KIF1B: variants seen among roughly 807,000 people sequenced by gnomAD.
KIF1B encodes kinesin family member 1B, also known as kinesin-like protein KIF1B.
Under a neutral mutation model 241.9 loss-of-function variants are expected in KIF1B, and 76 were observed. That is an observed-to-expected ratio of 0.31 (90% CI 0.26 to 0.38). KIF1B has a LOEUF of 0.38. Ranked by LOEUF, KIF1B falls within the 10% of genes least tolerant of loss-of-function variation. KIF1B has a pLI of 1.00. For synonymous variants in KIF1B, 750 were observed against 796.7 expected (o/e 0.94, Z 0.99); for missense variants, 1,622 against 2,271.4 (o/e 0.71, Z 5.81).
intron 7 of KIF1B, among the ~76,000 whole-genome samples, chr1:10,269,670 A>T (rs2102209676): frequency 6.7e-6 from 1 of 150,004 alleles, no homozygotes; most frequent in East Asian, 2.0e-4. Context: ...AAATACAAAA[A>T]ATTAGCCGGT....
At chr1:10,345,313 G>T (rs1652549779) in intron 34 of KIF1B, among the ~76,000 whole-genome samples, 1 of 152,198 alleles carries the variant, frequency 6.6e-6, no homozygotes, top group South Asian at 2.1e-4. Flanking sequence ...CATGGAGGAA[G>T]AACTTTGTCT....
At chr1:10,349,410 G>A (rs979938145) in intron 37 of KIF1B, among the ~76,000 whole-genome samples, 2 of 151,350 alleles carry the variant, frequency 1.3e-5, no homozygotes, top group African/African-American at 4.9e-5. Context: ...ATTCAAGCCT[G>A]GACAACAGAG....
intron 27 of KIF1B, among the ~76,000 whole-genome samples, chr1:10,329,719 C>T (rs1479429738): frequency 2.7e-5 from 4 of 149,676 alleles, no homozygotes; most frequent in Admixed American, 2.0e-4. Flanking sequence ...GGCAACAGAG[C>T]AAAGACTCTG....
chr1:10,322,286 C>T (rs1396240775), intron 24 of KIF1B, among the ~76,000 whole-genome samples: 2 of 152,184 alleles, frequency 1.3e-5, no homozygotes, highest in East Asian at 3.9e-4. Flanking sequence ...GCACATGCAC[C>T]CTGGACCCAG....
chr1:10,260,848 CAA>C lies in KIF1B; in HGVS notation c.364-1056_364-1055del, dbSNP rs1308072390. On this transcript the variant is annotated intron_variant, in intron 4 of 48. Coordinates refer to ENST00000676179, the MANE Select transcript of KIF1B (RefSeq NM_001365951.3). ...CGCCATTGCACTCTAGCATGAGCAA[CAA>C]GAGTGAAACTCGGTCTCAAAAAAAA... 6.3e-5 allele frequency among the ~76,000 whole-genome samples: 9 copies of C among 143,808 alleles called. No homozygotes were observed. In the Admixed American group the frequency reaches 6.4e-4, roughly 10 times the overall value. The allele number at this position is 143,808 out of a possible 152,430, so 94.3% of individuals were successfully genotyped here. A position where few individuals can be genotyped will look rare whatever the true frequency, so the allele number is the denominator to read the frequency against.
Position 10,368,451 on chromosome 1 carries a change from T to C in KIF1B, c.4753-16T>C. 2 of 1,609,786 alleles carry C rather than the reference T, an allele frequency of 1.2e-6. No homozygotes were observed. Among genetic ancestry groups the C allele is most frequent in the Non-Finnish European group, 1.7e-6 (2 of 1,176,298 alleles). ...ACATTTTATGTTCAGCTTGCACTTC[T>C]CTTTCTCTTCTTTAGTGCCTGCAAC... On this transcript the variant is annotated splice_polypyrimidine_tract_variant and intron_variant, in intron 43 of 48. Coordinates refer to ENST00000676179, the MANE Select transcript of KIF1B (RefSeq NM_001365951.3).
At chr1:10,323,424 C>T (rs1227968023) in intron 24 of KIF1B, among the ~76,000 whole-genome samples, 2 of 152,078 alleles carry the variant, frequency 1.3e-5, no homozygotes. Flanking sequence ...AGTTCAAGAC[C>T]AGCCTGGGCA....
At chr1:10,371,072 TC>T in intron 44 of KIF1B, 68 bp from the exon 45 acceptor site, 2 of 1,598,526 alleles carry the variant, frequency 1.3e-6, no homozygotes, top group South Asian at 2.2e-5. Flanking sequence ...TTGTTGAAAC[TC>T]CCTATTGTTA....
intron 22 of KIF1B, among the ~76,000 whole-genome samples, chr1:10,313,669 G>C (rs907994992): frequency 6.8e-6 from 1 of 146,180 alleles, no homozygotes; most frequent in Non-Finnish European, 1.5e-5. Flanking sequence ...TCCTGCCTCA[G>C]GCTCCCGAGT....
intron 38 of KIF1B, among the ~76,000 whole-genome samples, chr1:10,355,845 A>G (rs1420037923): frequency 6.6e-6 from 1 of 152,150 alleles, no homozygotes; most frequent in Non-Finnish European, 1.5e-5. Context: ...ATAGAGACAA[A>G]TTTGGCTATT....
chr1:10,375,574 G>C (rs1638860068), intron 48 of KIF1B, among the ~76,000 whole-genome samples: 2 of 151,810 alleles, frequency 1.3e-5, no homozygotes, highest in South Asian at 4.2e-4. Context: ...TTGTAGAGAC[G>C]GGGTTTTACC....
chr1:10,324,462 G>A (rs1000031096), intron 25 of KIF1B, among the ~76,000 whole-genome samples: 1 of 152,094 alleles, frequency 6.6e-6, no homozygotes. Context: ...CCGTCTCAGT[G>A]TATTTGAGAT....
intron 12 of KIF1B, among the ~76,000 whole-genome samples, chr1:10,277,146 T>C (rs1335495538): frequency 4.6e-5 from 7 of 151,656 alleles, no homozygotes; most frequent in Non-Finnish European, 8.8e-5. Context: ...TGTAGCAATA[T>C]TAAAAAATTA....
intron 37 of KIF1B, among the ~76,000 whole-genome samples, chr1:10,349,157 G>T (rs1652697346): frequency 6.6e-6 from 1 of 152,186 alleles, no homozygotes; most frequent in Non-Finnish European, 1.5e-5. Context: ...AATCTCTGCT[G>T]GCTGGGTGTG....
chr1:10,298,650 C>T (rs1650385186), intron 22 of KIF1B, among the ~76,000 whole-genome samples: 1 of 152,128 alleles, frequency 6.6e-6, no homozygotes, highest in Non-Finnish European at 1.5e-5. Flanking sequence ...GTAGTACATT[C>T]TAATAACATG....
At chr1:10,352,600 C>A in intron 37 of KIF1B, 31 bp from the exon 38 acceptor site, 2 of 1,546,744 alleles carry the variant, frequency 1.3e-6, no homozygotes, top group Non-Finnish European at 1.8e-6. Context: ...CAAATGTGTC[C>A]GTGCTCTGTT....
At chr1:10,299,609 TATGTAATC>T (rs1483391098) in intron 22 of KIF1B, among the ~76,000 whole-genome samples, 4 of 152,244 alleles carry the variant, frequency 2.6e-5, no homozygotes, top group Non-Finnish European at 5.9e-5. Context: ...ATATTTACCA[TATGTAATC>T]ACTTTTTGCA....
rs150508369 is a variant in KIF1B at position 10,264,956 on chromosome 1, C to T, written c.430-2424C>T. Reference sequence around the variant, plus strand: ...GATTATAGGCGTGAGCCACTGCGCCCGGCCTTTTTTTCTTTTTCTTCTTTT... The same window carrying T: ...GATTATAGGCGTGAGCCACTGCGCCTGGCCTTTTTTTCTTTTTCTTCTTTT... On this transcript the variant is annotated intron_variant, in intron 5 of 48. Coordinates refer to ENST00000676179, the MANE Select transcript of KIF1B (RefSeq NM_001365951.3). Among the ~76,000 whole-genome samples the T allele has an allele frequency of 4.7e-3, 707 of 152,042 alleles. 3 individuals carry two copies. The highest frequency in any genetic ancestry group is 0.015 in the South Asian group (72 of 4,812).
chr1:10,339,330 TG>T (rs1288454007), intron 31 of KIF1B, among the ~76,000 whole-genome samples: 2 of 152,194 alleles, frequency 1.3e-5, no homozygotes, highest in Non-Finnish European at 2.9e-5. Flanking sequence ...AAAGACTGCC[TG>T]GAAGAGGTGA....
Sources: gnomAD v4.1 joint callset for allele counts (sites outside exome capture counted in the v4.1 genomes callset) on GRCh38, gnomAD v4.1.1 for gene constraint, MANE v1.5 for transcripts, NCBI Gene and HGNC (gene_info 2026-07-23, HGNC 2026-07-21) for gene names.